Variants in SMAP1 observed in about 807,000 individuals in gnomAD.
SMAP1 encodes the protein stromal membrane-associated protein 1.
Under a neutral mutation model 58.5 loss-of-function variants are expected in SMAP1, and 24 were observed. The ratio of observed to expected loss-of-function variants is 0.41; its 90% confidence interval spans 0.30 to 0.58. The LOEUF is 0.58. SMAP1 is among the 20% of genes least tolerant of loss of function. SMAP1 has a pLI of 0.29. For missense variants in SMAP1, 563 were observed against 566.3 expected (o/e 0.99, Z 0.06); for synonymous variants, 216 against 196.6 (o/e 1.10, Z -0.82).
intron 6 of SMAP1, among the ~76,000 whole-genome samples, chr6:70,822,374 C>T (rs1199759288): frequency 1.3e-5 from 2 of 152,020 alleles, no homozygotes; most frequent in Non-Finnish European, 2.9e-5. Flanking sequence ...TGATGAGAAC[C>T]TGAGAGACAG....
At chr6:70,677,079 C>T (rs777362316) in intron 1 of SMAP1, among the ~76,000 whole-genome samples, 3 of 152,026 alleles carry the variant, frequency 2.0e-5, no homozygotes, top group Non-Finnish European at 4.4e-5. Context: ...GTGTGAGCCA[C>T]CTCACCTTGC....
At chr6:70,851,548 A>G (rs975786882) in intron 7 of SMAP1, among the ~76,000 whole-genome samples, 1 of 152,234 alleles carries the variant, frequency 6.6e-6, no homozygotes, top group Admixed American at 6.5e-5. Context: ...ATAACTCTCA[A>G]GAGGCTGGAG....
intron 1 of SMAP1, among the ~76,000 whole-genome samples, chr6:70,675,845 C>T (rs1766461811): frequency 6.6e-6 from 1 of 152,084 alleles, no homozygotes; most frequent in South Asian, 2.1e-4. Flanking sequence ...TGGGGATGGT[C>T]CCACCACCCT....
chr6:70,821,064 TC>T (rs757603912), intron 6 of SMAP1, among the ~76,000 whole-genome samples: 2 of 151,802 alleles, frequency 1.3e-5, no homozygotes, highest in Non-Finnish European at 1.5e-5. Context: ...TGTTAGGATT[TC>T]CCCCCCTCCC....
intron 4 of SMAP1, among the ~76,000 whole-genome samples, chr6:70,773,724 C>G (rs1349326955): frequency 5.9e-5 from 9 of 152,150 alleles, no homozygotes; most frequent in South Asian, 2.1e-4. Context: ...ATTTTTTCCC[C>G]TAGATTCTAG....
At chr6:70,729,676 C>A (rs1425512696) in intron 1 of SMAP1, among the ~76,000 whole-genome samples, 2 of 152,172 alleles carry the variant, frequency 1.3e-5, no homozygotes, top group Non-Finnish European at 2.9e-5. Flanking sequence ...CCTCTACCTT[C>A]TCCTTTGCCA....
intron 8 of SMAP1, 54 bp downstream of exon 8, chr6:70,852,718 A>T (rs551731291): frequency 6.9e-7 from 1 of 1,442,040 alleles, no homozygotes; most frequent in African/African-American, 1.5e-5. Flanking sequence ...CTTTTTGAAA[A>T]GTTTCAAAAT....
rs757313948 is a variant in SMAP1, at chr6:70,668,135, G to T, written c.112G>T (p.Ala38Ser). The T allele has an allele frequency of 6.3e-7, 1 of 1,597,010 alleles. No homozygotes were observed. Among genetic ancestry groups the T allele is most frequent in the Admixed American group, 1.7e-5 (1 of 58,682 alleles). Reference sequence around the variant, plus strand: ...CAACAAGTACTGCGCCGACTGCGAGGCCAAAGGTAGCTTGGACGTCGTCGC... The same window carrying T: ...CAACAAGTACTGCGCCGACTGCGAGTCCAAAGGTAGCTTGGACGTCGTCGC... ...EDNKYCADCEAKGPRWASWNI... is the reference protein window; with the variant it reads ...EDNKYCADCESKGPRWASWNI... Residue 38 changes from alanine (A) to serine (S), a missense_variant, in exon 1 of 11, where the codon GCC becomes TCC. Transcript: ENST00000370455.
At chr6:70,676,124 C>T (rs922676809) in intron 1 of SMAP1, among the ~76,000 whole-genome samples, 2 of 152,166 alleles carry the variant, frequency 1.3e-5, no homozygotes, top group Admixed American at 6.5e-5. Flanking sequence ...GACGCTTGCT[C>T]CTAATTTCCC....
chr6:70,768,961 C>T (rs972913834), intron 3 of SMAP1, among the ~76,000 whole-genome samples: 26 of 151,928 alleles, frequency 1.7e-4, no homozygotes, highest in African/African-American at 5.8e-4. Context: ...TCTTTGTTCT[C>T]GTTGGTTTCA....
At chr6:70,765,760 TTTAC>T (rs1766947842) in intron 3 of SMAP1, among the ~76,000 whole-genome samples, 1 of 152,136 alleles carries the variant, frequency 6.6e-6, no homozygotes, top group Non-Finnish European at 1.5e-5. Context: ...TTATTATTAT[TTTAC>T]TTTAAGTTTT....
intron 1 of SMAP1, among the ~76,000 whole-genome samples, chr6:70,721,401 C>G (rs1339239163): frequency 1.3e-5 from 2 of 152,190 alleles, no homozygotes; most frequent in East Asian, 1.9e-4. Context: ...TTCCTCATCT[C>G]CATCTGAGAC....
intron 2 of SMAP1, among the ~76,000 whole-genome samples, chr6:70,740,873 T>C (rs9294880): frequency 0.82 from 125,406 of 152,200 alleles, 52,406 homozygotes; most frequent in East Asian, 1. Context: ...TGGCAGAAGG[T>C]GAAAGGCACA....
At chr6:70,757,620 T>C (rs1766552399) in intron 3 of SMAP1, among the ~76,000 whole-genome samples, 1 of 152,000 alleles carries the variant, frequency 6.6e-6, no homozygotes, top group African/African-American at 2.4e-5. Flanking sequence ...AACCTACTCA[T>C]CTGACAGAGG....
At chr6:70,764,880 C>T (rs1766899562) in intron 3 of SMAP1, among the ~76,000 whole-genome samples, 1 of 152,106 alleles carries the variant, frequency 6.6e-6, no homozygotes, top group Non-Finnish European at 1.5e-5. Flanking sequence ...GTTCACTGCA[C>T]CCCTGACTTT....
At chr6:70,773,213 A>G in intron 3 of SMAP1, 137 bp from the exon 4 acceptor site, 2 of 569,584 alleles carry the variant, frequency 3.5e-6, no homozygotes, top group Non-Finnish European at 6.2e-6. Flanking sequence ...ATGTAGTTGC[A>G]GAAATAATGT....
intron 8 of SMAP1, among the ~76,000 whole-genome samples, chr6:70,856,442 C>G (rs1203862976): frequency 6.6e-6 from 1 of 152,110 alleles, no homozygotes; most frequent in East Asian, 1.9e-4. Context: ...TTTTAAGTAG[C>G]CATTGCAAAT....
intron 4 of SMAP1, among the ~76,000 whole-genome samples, chr6:70,789,115 TTC>T (rs1190719751): frequency 6.6e-6 from 1 of 152,194 alleles, no homozygotes; most frequent in African/African-American, 2.4e-5. Context: ...ATATGTTGAT[TTC>T]TGTTTCTTTA....
At chr6:70,791,403 C>T (rs1212445427) in intron 4 of SMAP1, among the ~76,000 whole-genome samples, 1 of 152,080 alleles carries the variant, frequency 6.6e-6, no homozygotes, top group Non-Finnish European at 1.5e-5. Context: ...AATTATTTTC[C>T]ATATACTTTT....
Sources: allele counts gnomAD v4.1 joint callset (sites outside exome capture counted in the v4.1 genomes callset), GRCh38; gene constraint gnomAD v4.1.1; transcripts MANE v1.5; gene names NCBI Gene and HGNC (gene_info 2026-07-23, HGNC 2026-07-21).